Variants in PROSER2 observed in about 807,000 individuals in gnomAD.
PROSER2 encodes the protein proline and serine rich 2.
In PROSER2, 18 loss-of-function variants were observed where a neutral mutation model predicts 14.6. The ratio of observed to expected loss-of-function variants is 1.23; its 90% CI spans 0.85 to 1.83. The LOEUF is 1.83. Among genes scored for constraint, PROSER2 ranks in the 40% most tolerant of loss-of-function variants. The pLI is 0.00. For missense variants in PROSER2, 823 were observed against 629.8 expected (o/e 1.31, Z -3.28); for synonymous variants, 367 against 286.4 (o/e 1.28, Z -2.84).
intron 3 of PROSER2, among the ~76,000 whole-genome samples, chr10:11,867,807 GGAGGGAAATGGGCA>G (rs1834384260): frequency 6.6e-6 from 1 of 152,210 alleles, no homozygotes; most frequent in Admixed American, 6.5e-5. Context: ...TCCCTGAGCT[GGAGGGAAATGGGCA>G]GAGAGAAATA....
chr10:11,824,165 C>T (rs1377860551), intron 1 of PROSER2, among the ~76,000 whole-genome samples: 1 of 151,860 alleles, frequency 6.6e-6, no homozygotes, highest in African/African-American at 2.4e-5. Context: ...CAGGAACTAA[C>T]CTCAGAAAAC....
At chr10:11,842,732 A>G (rs1055652363) in intron 1 of PROSER2, among the ~76,000 whole-genome samples, 2 of 151,676 alleles carry the variant, frequency 1.3e-5, no homozygotes, top group Admixed American at 1.3e-4. Context: ...AATTTATAAC[A>G]TTTTCCTTTG....
chr10:11,849,908 C>T (rs1006473617), intron 1 of PROSER2: 4 of 152,238 alleles, frequency 2.6e-5, no homozygotes, highest in East Asian at 1.9e-4. Context: ...ACTATAAAAG[C>T]GAGTTTGGCC....
At chr10:11,857,823 A>C (rs1359759226) in intron 2 of PROSER2, among the ~76,000 whole-genome samples, 2 of 151,842 alleles carry the variant, frequency 1.3e-5, no homozygotes, top group African/African-American at 4.8e-5. Context: ...GCAACCTCGG[A>C]AGAGAGACTC....
Position 11,868,709 on chromosome 10 carries a change from G to A in PROSER2, c.392-781G>A, listed in dbSNP as rs147283616. Among the ~76,000 whole-genome samples, 1,482 of 152,272 alleles carry A rather than the reference G, an allele frequency of 9.7e-3. 22 individuals carry two copies. Among genetic ancestry groups the A allele is most frequent in the African/African-American group, 0.034 (1,414 of 41,544 alleles). On this transcript the variant is annotated intron_variant, in intron 3 of 3. Transcript: ENST00000277570. ...TGTGTCACTCAGGCTGGAGTGCAGTGGTGCCATCTCAGCTCACTGCAACCT... is the reference window on the plus strand; with the variant it reads ...TGTGTCACTCAGGCTGGAGTGCAGTAGTGCCATCTCAGCTCACTGCAACCT...
rs531866466 is a variant in PROSER2 at position 11,834,129 on chromosome 10, G to A, written c.-82+10659G>A. 1.6e-4 allele frequency among the ~76,000 whole-genome samples: 24 copies of A among 151,056 alleles called. 1 individual carries two copies. In the South Asian group the frequency reaches 5.1e-3, roughly 32 times the overall value. Reference sequence around the variant, plus strand: ...CCTGCTTCAGGTTCCCAAATAGCTGGGATTACAGGCACTCACCACCACACC... The same window carrying A: ...CCTGCTTCAGGTTCCCAAATAGCTGAGATTACAGGCACTCACCACCACACC... On this transcript the variant is annotated intron_variant, in intron 1 of 3. Transcript: ENST00000277570.
In PROSER2 at chr10:11,830,142, A is replaced by G. The variant is rs1833671859; in HGVS notation, c.-82+6672A>G. Among the ~76,000 whole-genome samples the G allele has an allele frequency of 6.6e-6, 1 of 152,074 alleles. No homozygotes were observed. Among genetic ancestry groups the G allele is most frequent in the African/African-American group, 2.4e-5 (1 of 41,418 alleles). On this transcript the variant is annotated intron_variant, in intron 1 of 3. Coordinates refer to ENST00000277570, the MANE Select transcript of PROSER2 (RefSeq NM_153256.4). This position sits in a 1 kb window ranked among gnomAD's most constrained non-coding sequence, Gnocchi z 4.5. Reference sequence around the variant, plus strand: ...ACAGGTGTGAGCCACTGTGCCAGCCACAATAGGCAGTTTTTCAGCCCTCCT... The same window carrying G: ...ACAGGTGTGAGCCACTGTGCCAGCCGCAATAGGCAGTTTTTCAGCCCTCCT...
Position 11,869,923 on chromosome 10 carries a change from C to T in PROSER2, c.825C>T (p.Ala275=), listed in dbSNP as rs749530827. Residue 275 remains alanine, a synonymous_variant, in exon 4 of 4, where the codon GCC becomes GCT. Coordinates refer to ENST00000277570, the MANE Select transcript of PROSER2 (RefSeq NM_153256.4). This position sits in a 1 kb window ranked among gnomAD's most constrained non-coding sequence, Gnocchi z 4.4. Reference sequence around the variant, plus strand: ...CCCGCAGGACCCTGTCCAGGGCGGCCGTCAGCGTGCAGGAGCGCAGGGCGC... The same window carrying T: ...CCCGCAGGACCCTGTCCAGGGCGGCTGTCAGCGTGCAGGAGCGCAGGGCGC... ...REPRRTLSRA[A]VSVQERRAQV... 9 of 1,561,930 alleles carry T rather than the reference C, an allele frequency of 5.8e-6. No individual in the cohort carries two copies. Among genetic ancestry groups the T allele is most frequent in the East Asian group, 4.7e-5 (2 of 42,254 alleles).
Position 11,870,041 on chromosome 10 carries a change from C to T in PROSER2, c.943C>T (p.Arg315Trp), listed in dbSNP as rs1391677259. Residue 315 changes from arginine (R) to tryptophan (W), a missense_variant, in exon 4 of 4, where the codon CGG becomes TGG. Physicochemically the swap from Arg to Trp is moderately radical, Grantham distance 101 (BLOSUM62 -3). Transcript: ENST00000277570. ...GAPGGGSSPE[R>W]VARGRGLPGP... ...CCCAGGGGGCGGCTCCTCCCCGGAG[C>T]GGGTGGCGCGTGGCCGGGGCCTGCC... 11 of 1,234,710 alleles carry T rather than the reference C, an allele frequency of 8.9e-6. No homozygotes were observed. Among genetic ancestry groups the T allele is most frequent in the South Asian group, 3.2e-5 (1 of 30,856 alleles). The allele number at this position is 1,234,710 out of a possible 1,614,324, so 76.5% of individuals were successfully genotyped here.
At chr10:11,840,939 AAAAAAAAAAAAAAAAAATAT>A (rs1833830013) in intron 1 of PROSER2, among the ~76,000 whole-genome samples, 1 of 65,532 alleles carries the variant, frequency 1.5e-5, no homozygotes, top group Non-Finnish European at 2.9e-5. Context: ...AAAAAAAAAA[AAAAAAAAAAAAAAAAAATAT>A]ATATATATAT....
intron 1 of PROSER2, among the ~76,000 whole-genome samples, chr10:11,843,014 C>G (rs1249750910): frequency 7.2e-6 from 1 of 139,498 alleles, no homozygotes; most frequent in Non-Finnish European, 1.5e-5. Flanking sequence ...GATCTCGGCT[C>G]ACTGCAAGTT....
chr10:11,868,631 GTTTT>G (rs555501693), intron 3 of PROSER2, among the ~76,000 whole-genome samples: 1 of 144,826 alleles, frequency 6.9e-6, no homozygotes, highest in East Asian at 2.0e-4. Context: ...TGAATTTCAG[GTTTT>G]TTGTTTTTTG....
rs1381354366 is a variant in PROSER2 at position 11,870,287 on chromosome 10, C to T, written c.1189C>T (p.Arg397Cys). 1.3e-5 allele frequency: 19 copies of T among 1,494,306 alleles called. No homozygotes were observed. The highest frequency in any genetic ancestry group is 5.5e-5 in the East Asian group (2 of 36,200). The allele number at this position is 1,494,306 out of a possible 1,614,324, so 92.6% of individuals were successfully genotyped here. A position where few individuals can be genotyped will look rare whatever the true frequency, so the allele number is the denominator to read the frequency against. The change falls in exon 4 of 4, where the codon CGC becomes TGC. Residue 397 changes from arginine (R) to cysteine (C), a missense_variant. Coordinates refer to ENST00000277570, the MANE Select transcript of PROSER2 (RefSeq NM_153256.4). Reference sequence around the variant, plus strand: ...GCCCAACGGCGCCCAGGACTGGCGCCGCGCAGACTCCCTGCCCCGGCCCCA... The same window carrying T: ...GCCCAACGGCGCCCAGGACTGGCGCTGCGCAGACTCCCTGCCCCGGCCCCA... ...RQPNGAQDWR[R>C]ADSLPRPQGI...
chr10:11,852,557 A>C (rs1834042674), intron 2 of PROSER2, among the ~76,000 whole-genome samples: 1 of 151,744 alleles, frequency 6.6e-6, no homozygotes, highest in South Asian at 2.1e-4. Context: ...TTTGAGACAG[A>C]GTCTCACTCT....
chr10:11,861,373 C>T (rs1834234633), intron 2 of PROSER2, among the ~76,000 whole-genome samples: 1 of 152,170 alleles, frequency 6.6e-6, no homozygotes, highest in African/African-American at 2.4e-5. Context: ...CACTCTAGGG[C>T]AGTTGCTGAT....
chr10:11,842,371 G>C (rs879096361), intron 1 of PROSER2, among the ~76,000 whole-genome samples: 1 of 151,086 alleles, frequency 6.6e-6, no homozygotes, highest in Admixed American at 6.6e-5. Flanking sequence ...CCTTCTTTTG[G>C]AATGATTTTT....
At chr10:11,843,145 T>TGA (rs1418770932) in intron 1 of PROSER2, among the ~76,000 whole-genome samples, 19 of 149,232 alleles carry the variant, frequency 1.3e-4, no homozygotes, top group African/African-American at 3.9e-4. Flanking sequence ...TTTCACCATG[T>TGA]TAGCCAGGAT....
At chr10:11,845,254 A>AGG (rs1370818322) in intron 1 of PROSER2, among the ~76,000 whole-genome samples, 1 of 152,150 alleles carries the variant, frequency 6.6e-6, no homozygotes, top group Non-Finnish European at 1.5e-5. Flanking sequence ...TTGCCCCCTG[A>AGG]GGGGTTATGC....
rs1834419309 is a variant in PROSER2, at chr10:11,869,470, G to C, written c.392-20G>C. 4.4e-6 allele frequency: 7 copies of C among 1,597,552 alleles called. No homozygotes were observed. In the South Asian group the frequency reaches 5.5e-5, roughly 13 times the overall value. On this transcript the variant is annotated intron_variant, in intron 3 of 3. Coordinates refer to ENST00000277570, the MANE Select transcript of PROSER2 (RefSeq NM_153256.4). The surrounding 1 kb of genome is among the most constrained non-coding windows in gnomAD (Gnocchi z 4.4). ...TTTCACGTGGGCCGGTGGCTCACAGGCTCCTCCCTTGTCTTCCAGGGCCTG... is the reference window on the plus strand; with the variant it reads ...TTTCACGTGGGCCGGTGGCTCACAGCCTCCTCCCTTGTCTTCCAGGGCCTG...
Sources: allele counts gnomAD v4.1 joint callset (sites outside exome capture counted in the v4.1 genomes callset), GRCh38; gene constraint gnomAD v4.1.1; non-coding constraint Gnocchi (gnomAD v3.1); transcripts MANE v1.5; gene names NCBI Gene and HGNC (gene_info 2026-07-23, HGNC 2026-07-21).